Variants in PCDHA7 observed in about 807,000 individuals in gnomAD.
PCDHA7 encodes the protein protocadherin alpha-7.
PCDHA7 carries 37 observed loss-of-function variants against 57.2 expected under a neutral mutation model. The ratio of observed to expected loss-of-function variants is 0.65; its 90% CI spans 0.50 to 0.85. PCDHA7 has a LOEUF of 0.85. PCDHA7 is among the 40% of genes least tolerant of loss of function. The pLI, the probability that PCDHA7 is intolerant of heterozygous loss-of-function variation, is 0.00. For missense variants in PCDHA7, 1,188 were observed against 1,241.8 expected (o/e 0.96, Z 0.65); for synonymous variants, 553 against 558.8 (o/e 0.99, Z 0.15).
chr5:140,842,598 C>T lies in PCDHA7; in HGVS notation c.2355+5860C>T, dbSNP rs1554139208. Reference sequence around the variant, plus strand: ...GTGTCGGCCTATGAGTTGGTGGTAACCGCGCGGGACGGGGGCTCGCCTTCG... The same window carrying T: ...GTGTCGGCCTATGAGTTGGTGGTAATCGCGCGGGACGGGGGCTCGCCTTCG... On this transcript the variant is annotated intron_variant, in intron 1 of 3. Transcript: ENST00000525929. 3 of 1,542,098 alleles carry T rather than the reference C, an allele frequency of 1.9e-6. 1 individual carries two copies. Among genetic ancestry groups the T allele is most frequent in the Non-Finnish European group, 2.7e-6 (3 of 1,131,600 alleles).
intron 1 of PCDHA7, chr5:140,883,677 C>T (rs112867183): frequency 1.2e-6 from 2 of 1,613,726 alleles, no homozygotes. Flanking sequence ...AACAATCCGC[C>T]GGGCTGCCAC....
intron 1 of PCDHA7, among the ~76,000 whole-genome samples, chr5:140,941,226 T>TCTTTCTTTCTTTCTTTCTTTCTTC (rs2092915713): frequency 1.5e-5 from 2 of 135,514 alleles, no homozygotes; most frequent in Admixed American, 7.6e-5. Flanking sequence ...TTTCTTTCTT[T>TCTTTCTTTCTTTCTTTCTTTCTTC]CTTTCTTTCT....
intron 1 of PCDHA7, chr5:140,871,318 G>A (rs546803828): frequency 9.9e-6 from 16 of 1,614,072 alleles, no homozygotes; most frequent in Middle Eastern, 1.7e-4. Context: ...GCCCACGCTG[G>A]TGTGCTCCCG....
At chr5:140,851,465 C>A in intron 1 of PCDHA7, 1 of 894,660 alleles carries the variant, frequency 1.1e-6, no homozygotes, top group Non-Finnish European at 1.4e-6. Flanking sequence ...CAAATTATGT[C>A]AATAAATGTT....
At chr5:140,861,581 T>C (rs1243387936) in intron 1 of PCDHA7, 6 of 358,060 alleles carry the variant, frequency 1.7e-5, no homozygotes, top group East Asian at 7.9e-5. Flanking sequence ...AGGTTTTCCA[T>C]GTGGAGGTGA....
intron 3 of PCDHA7, among the ~76,000 whole-genome samples, chr5:141,000,361 GTCTCTC>G (rs148596731): frequency 0.13 from 3,495 of 26,124 alleles, 319 homozygotes; most frequent in Middle Eastern, 0.15. Context: ...GTCTCTCTCT[GTCTCTC>G]TCTCTCTCTC....
chr5:140,840,750 A>G (rs1261574631), intron 1 of PCDHA7, among the ~76,000 whole-genome samples: 1 of 152,112 alleles, frequency 6.6e-6, no homozygotes, highest in Non-Finnish European at 1.5e-5. Flanking sequence ...CAATAAGAAC[A>G]CAAGAAGATA....
rs1367500775 is a variant in PCDHA7, at chr5:140,929,192, A to G, written c.2356-49757A>G. ...TCTCTGGGACTTGGTTCTGATAATA[A>G]CAGTTTGCTGTTGCGTGGGGAGTAC... On this transcript the variant is annotated intron_variant, in intron 1 of 3. Transcript: ENST00000525929. The G allele has an allele frequency of 8.1e-6, 13 of 1,614,124 alleles. 1 individual carries two copies. The highest frequency in any genetic ancestry group is 1.0e-5 in the Non-Finnish European group (12 of 1,180,018).
In PCDHA7 at chr5:140,979,814, T is replaced by C. The variant is rs1296773498; in HGVS notation, c.2414+807T>C. 3.3e-5 allele frequency among the ~76,000 whole-genome samples: 5 copies of C among 152,232 alleles called. No homozygotes were observed. The South Asian group carries it at 8.3e-4, about 25-fold the overall frequency. On this transcript the variant is annotated intron_variant, in intron 2 of 3. Transcript: ENST00000525929. The stretch of plus-strand genomic sequence containing the variant: ...CAAATGATCACAACTATCAAAAGGA[T>C]TTAATTTTAAAGAAGAAATAATCTT...
At chr5:140,869,117 A>G in intron 1 of PCDHA7, 2 of 1,605,428 alleles carry the variant, frequency 1.2e-6, no homozygotes, top group Non-Finnish European at 1.7e-6. Context: ...TTTGGTTTTC[A>G]GAGAAGGGGA....
chr5:140,847,157 T>G (rs1780881286), intron 1 of PCDHA7, among the ~76,000 whole-genome samples: 1 of 149,630 alleles, frequency 6.7e-6, no homozygotes. Context: ...TCTTGATTTC[T>G]GAGTAATAAA....
At chr5:140,992,457 A>G (rs2097512834) in intron 3 of PCDHA7, among the ~76,000 whole-genome samples, 1 of 152,136 alleles carries the variant, frequency 6.6e-6, no homozygotes, top group Non-Finnish European at 1.5e-5. Context: ...GCAGCAGAGG[A>G]CAGTACTCTT....
At chr5:140,894,193 T>G (rs1481492058) in intron 1 of PCDHA7, among the ~76,000 whole-genome samples, 1 of 152,170 alleles carries the variant, frequency 6.6e-6, no homozygotes, top group Non-Finnish European at 1.5e-5. Context: ...TATATATTTT[T>G]TCTATGCTAT....
intron 1 of PCDHA7, chr5:140,843,225 G>C: frequency 1.3e-6 from 2 of 1,596,120 alleles, no homozygotes; most frequent in Non-Finnish European, 1.7e-6. Context: ...AGCACCACTC[G>C]TGTCCTGGAC....
At position 140,911,726 on chromosome 5, in the gene PCDHA7, G is replaced by GTTCGTGCCAAGGAC. The variant is rs372287116; in HGVS notation, c.2356-67221_2356-67208dup. On this transcript the variant is annotated intron_variant, in intron 1 of 3. Transcript: ENST00000525929. ...TTTATTTTGTGTAACTCTGTAAACAGTTCGTGCCAAGGACTATCAGTGTTC... is the reference window on the plus strand; with the variant it reads ...TTTATTTTGTGTAACTCTGTAAACAGTTCGTGCCAAGGACTTCGTGCCAAGGACTATCAGTGTTC... Among the ~76,000 whole-genome samples, 876 of 152,272 alleles carry GTTCGTGCCAAGGAC rather than the reference G, an allele frequency of 5.8e-3. 6 individuals are homozygous for GTTCGTGCCAAGGAC. The highest frequency in any genetic ancestry group is 0.018 in the African/African-American group (761 of 41,552).
chr5:141,007,472 G>A (rs2098331789), intron 3 of PCDHA7, among the ~76,000 whole-genome samples: 1 of 151,844 alleles, frequency 6.6e-6, no homozygotes, highest in Non-Finnish European at 1.5e-5. Context: ...GGAGGCTGAG[G>A]CACGAGAATT....
rs2150262716 is a variant in PCDHA7 at position 140,836,517 on chromosome 5, G to A, written c.2134G>A (p.Val712Met). 2 of 1,613,868 alleles carry A rather than the reference G, an allele frequency of 1.2e-6. No homozygotes were observed. Among genetic ancestry groups the A allele is most frequent in the African/African-American group, 2.7e-5 (2 of 74,966 alleles). ...CATCTGCGCGGTGTCCAGTCTGTTG[G>A]TGCTTACCCTGCTGCTGTACACGGC... is the stretch of plus-strand genomic sequence containing the variant. The part of the protein sequence containing the change: ...IAICAVSSLL[V>M]LTLLLYTALR... The change falls in exon 1 of 4, where the codon GTG (valine) becomes ATG (methionine). Residue 712 changes from valine (V) to methionine (M), a missense_variant. Around this residue, in one of 3 missense-constraint regions of PCDHA7, gnomAD observed 892 missense variants for 788.5 expected, o/e 1.13. Transcript: ENST00000525929.
chr5:140,986,736 A>C (rs1056820843), intron 3 of PCDHA7, among the ~76,000 whole-genome samples: 1 of 152,206 alleles, frequency 6.6e-6, no homozygotes, highest in South Asian at 2.1e-4. Context: ...TCAAGACCCC[A>C]GGGGATCTGG....
chr5:140,967,520 G>A, intron 1 of PCDHA7: 1 of 1,612,918 alleles, frequency 6.2e-7, no homozygotes, highest in East Asian at 2.2e-5. Context: ...GGACACTAAC[G>A]ACAACTCTCC....
Sources: gnomAD v4.1 joint callset for allele counts (sites outside exome capture counted in the v4.1 genomes callset) on GRCh38, gnomAD v4.1.1 for gene constraint, gnomAD v4.1.1 regional missense constraint, MANE v1.5 for transcripts, NCBI Gene and HGNC (gene_info 2026-07-23, HGNC 2026-07-21) for gene names.